Variants in GLIS1 observed in about 807,000 individuals in gnomAD.
The protein encoded by GLIS1 is GLIS family zinc finger 1, also known as zinc finger protein GLIS1.
Under a neutral mutation model 63.8 loss-of-function variants are expected in GLIS1, and 24 were observed. The observed-to-expected ratio is 0.38, with a 90% CI of 0.27 to 0.53. The LOEUF is 0.53. Ranked by LOEUF, GLIS1 falls within the 20% of genes least tolerant of loss-of-function variation. The pLI, the probability that GLIS1 is intolerant of heterozygous loss-of-function variation, is 0.85. For missense variants in GLIS1, 1,036 were observed against 1,074.1 expected, an observed-to-expected ratio of 0.96 and a Z score of 0.50; for synonymous variants, 450 against 482.5, an observed-to-expected ratio of 0.93 and a Z score of 0.88.
At chr1:53,542,055 T>C (rs1444490644) in intron 4 of GLIS1, among the ~76,000 whole-genome samples, 1 of 152,218 alleles carries the variant, frequency 6.6e-6, no homozygotes, top group African/African-American at 2.4e-5. Context: ...TTCTCAGCAG[T>C]TGGGAGCCAC....
intron 4 of GLIS1, among the ~76,000 whole-genome samples, chr1:53,588,639 A>C (rs1645159872): frequency 6.6e-6 from 1 of 152,194 alleles, no homozygotes; most frequent in African/African-American, 2.4e-5. Flanking sequence ...CTGGCCTTAA[A>C]ATGCTCAAGC....
intron 4 of GLIS1, among the ~76,000 whole-genome samples, chr1:53,550,380 C>T (rs1045833912): frequency 6.6e-6 from 1 of 152,170 alleles, no homozygotes; most frequent in African/African-American, 2.4e-5. Context: ...GAACAGAGGC[C>T]TCTGGGGGAG....
chr1:53,617,740 G>A (rs917446107), intron 2 of GLIS1, among the ~76,000 whole-genome samples: 6 of 152,202 alleles, frequency 3.9e-5, no homozygotes, highest in Non-Finnish European at 8.8e-5. Context: ...GTGCAGGCCG[G>A]CTATGTTATC....
chr1:53,626,841 G>A (rs1169611456), intron 2 of GLIS1, among the ~76,000 whole-genome samples: 2 of 152,232 alleles, frequency 1.3e-5, no homozygotes, highest in Non-Finnish European at 2.9e-5. Context: ...TGGCTGACAT[G>A]CCCCTGCATC....
chr1:53,707,818 G>T (rs1316301385), intron 2 of GLIS1, among the ~76,000 whole-genome samples: 1 of 151,960 alleles, frequency 6.6e-6, no homozygotes, highest in Non-Finnish European at 1.5e-5. Flanking sequence ...CTCACAAAGT[G>T]CTGGGATTAC....
intron 2 of GLIS1, among the ~76,000 whole-genome samples, chr1:53,675,658 G>A (rs1300311627): frequency 6.6e-6 from 1 of 152,196 alleles, no homozygotes; most frequent in Non-Finnish European, 1.5e-5. Context: ...ACACTGCCAG[G>A]GGACTTCTCC....
Position 53,594,424 on chromosome 1 carries a change from T to G in GLIS1, c.1004A>C (p.His335Pro), listed in dbSNP as rs1645228395. ...ADEFSELFGP[H>P]QQGLPPPYPL... is the part of the protein sequence containing the mutation. Reference sequence around the variant, plus strand: ...ATAGGGGGGCGGCAGGCCCTGCTGGTGAGGCCCAAAGAGCTCTGAAAACTC... The same window carrying G: ...ATAGGGGGGCGGCAGGCCCTGCTGGGGAGGCCCAAAGAGCTCTGAAAACTC... The change falls in exon 4 of 11, where the codon CAC (histidine) becomes CCC (proline). Residue 335 changes from histidine (H) to proline (P), a missense_variant. This residue lies in a region of GLIS1 where 592 missense variants were observed against 593.9 expected (regional missense o/e 1.00). Transcript: ENST00000628545. The G allele has an allele frequency of 6.2e-7, 1 of 1,612,638 alleles. No individual in the cohort carries two copies. Among genetic ancestry groups the G allele is most frequent in the African/African-American group, 1.3e-5 (1 of 74,932 alleles).
rs1645281583 is a variant in GLIS1, at chr1:53,598,433, G to A, written c.437+1668C>T. 6.6e-6 allele frequency among the ~76,000 whole-genome samples: 1 copy of A among 152,134 alleles called. No homozygotes were observed. On this transcript the variant is annotated intron_variant, in intron 3 of 10. Transcript: ENST00000628545. This position sits in a 1 kb window ranked among gnomAD's most constrained non-coding sequence, Gnocchi z 4.6. The stretch of plus-strand genomic sequence containing the variant: ...GCCTGTAGTCTCAGCTGCTGGAGTG[G>A]CTGAGGTGGCAGGATCACTTGAGCC...
Position 53,594,579 on chromosome 1 carries a change from AG to A in GLIS1, c.848del (p.Pro283LeufsTer2). 6.3e-7 allele frequency: 1 copy of A among 1,595,304 alleles called. No homozygotes were observed. The highest frequency in any genetic ancestry group is 8.6e-7 in the Non-Finnish European group (1 of 1,167,140). ...AAGGGCCCCCCAGATCTCCCGTCAG[AG>A]GGGGGCTCCGGAGTCCATTTACACA... is the stretch of plus-strand genomic sequence containing the variant. Reference protein sequence around the residue: ...VTCVNGLRSPPLTGDLGGPSK... With the variant: ...VTCVNGLRSPXLTGDLGGPSK... On this transcript the variant is annotated frameshift_variant, in exon 4 of 11. Transcript: ENST00000628545. LOFTEE classifies it high-confidence loss of function.
In GLIS1 at chr1:53,526,595, C is replaced by CA. The variant is rs1456795428; in HGVS notation, c.1483-1709dup. On this transcript the variant is annotated intron_variant, in intron 5 of 10. Coordinates refer to ENST00000628545, the MANE Select transcript of GLIS1 (RefSeq NM_001367484.1). The surrounding 1 kb of genome is among the most constrained non-coding windows in gnomAD (Gnocchi z 4.4). The stretch of plus-strand genomic sequence containing the variant: ...ACACACACACCACACCATACACACC[C>CA]ACGCACGGCACACACACGTGCGTTC... Among the ~76,000 whole-genome samples the CA allele has an allele frequency of 6.6e-6, 1 of 152,200 alleles. No individual in the cohort carries two copies. Among genetic ancestry groups the CA allele is most frequent in the Non-Finnish European group, 1.5e-5 (1 of 68,020 alleles).
At chr1:53,630,885 AT>A (rs1302513164) in intron 2 of GLIS1, among the ~76,000 whole-genome samples, 1 of 152,122 alleles carries the variant, frequency 6.6e-6, no homozygotes, top group Non-Finnish European at 1.5e-5. Context: ...ATGATAGTTC[AT>A]TTTTTTATTT....
At chr1:53,622,135 C>T (rs181176417) in intron 2 of GLIS1, among the ~76,000 whole-genome samples, 180 of 151,812 alleles carry the variant, frequency 1.2e-3, no homozygotes, top group Middle Eastern at 6.8e-3. Flanking sequence ...ATGGTGGCCC[C>T]TTGAAAGATA....
intron 2 of GLIS1, among the ~76,000 whole-genome samples, chr1:53,706,311 C>T (rs1036607601): frequency 1.1e-4 from 16 of 152,290 alleles, no homozygotes; most frequent in South Asian, 6.2e-4. Flanking sequence ...GTTAGGCTGA[C>T]GGGCTGGTCT....
intron 2 of GLIS1, among the ~76,000 whole-genome samples, chr1:53,605,292 T>C (rs993969498): frequency 6.6e-6 from 1 of 152,130 alleles, no homozygotes; most frequent in Non-Finnish European, 1.5e-5. Flanking sequence ...CACACATCCA[T>C]GATGCTTCGC....
At chr1:53,669,451 G>A (rs372246729) in intron 2 of GLIS1, among the ~76,000 whole-genome samples, 16 of 152,228 alleles carry the variant, frequency 1.1e-4, no homozygotes, top group East Asian at 3.8e-4. Context: ...AGGGGTAAGA[G>A]GGGGCAGAGA....
At chr1:53,676,795 C>A (rs1442939586) in intron 2 of GLIS1, among the ~76,000 whole-genome samples, 2 of 151,476 alleles carry the variant, frequency 1.3e-5, no homozygotes, top group Non-Finnish European at 2.9e-5. Flanking sequence ...AGGGCCAAGC[C>A]AGGCTGTATC....
intron 5 of GLIS1, 88 bp from the exon 6 acceptor site, chr1:53,524,975 A>C: frequency 1.0e-6 from 1 of 960,170 alleles, no homozygotes; most frequent in Non-Finnish European, 1.6e-6. Context: ...GGAGGTGACC[A>C]GGCGAGAGGC....
intron 4 of GLIS1, among the ~76,000 whole-genome samples, chr1:53,553,453 A>T: frequency 6.6e-6 from 1 of 151,016 alleles, no homozygotes; most frequent in East Asian, 1.9e-4. Flanking sequence ...TGCCTCCAAG[A>T]AGCTAAGCAT....
At chr1:53,693,232 C>T (rs1326485248) in intron 2 of GLIS1, among the ~76,000 whole-genome samples, 2 of 152,186 alleles carry the variant, frequency 1.3e-5, no homozygotes, top group African/African-American at 2.4e-5. Context: ...AGGAAACTGA[C>T]GCAGAGAAGG....
Sources: gnomAD v4.1 joint callset for allele counts (sites outside exome capture counted in the v4.1 genomes callset) on GRCh38, gnomAD v4.1.1 for gene constraint, gnomAD v4.1.1 regional missense constraint, Gnocchi (gnomAD v3.1) non-coding constraint, MANE v1.5 for transcripts, NCBI Gene and HGNC (gene_info 2026-07-23, HGNC 2026-07-21) for gene names.